The following SEPTIN8 variants were observed in gnomAD, a reference collection of about 807,000 sequenced individuals.
SEPTIN8 encodes the protein septin-8.
A neutral mutation model predicts 53.1 loss-of-function variants in SEPTIN8; 22 were observed. That is an observed-to-expected ratio of 0.41 (90% CI 0.30 to 0.59). The LOEUF (loss-of-function observed/expected upper bound fraction) is 0.59. Ranked by LOEUF, SEPTIN8 falls within the 20% of genes least tolerant of loss-of-function variation. The probability of loss-of-function intolerance (pLI) is 0.24; values close to 1 mark genes in which losing one functional copy is unlikely to be tolerated. For synonymous variants in SEPTIN8, 228 were observed against 248.4 expected, an observed-to-expected ratio of 0.92 and a Z score of 0.77; for missense variants, 536 against 638.7, an observed-to-expected ratio of 0.84 and a Z score of 1.73.
At position 132,772,015 on chromosome 5, in the gene SEPTIN8, A is replaced by G. The variant is rs543685045; in HGVS notation, c.30+5093T>C. Among the ~76,000 whole-genome samples, 13 of 152,316 alleles carry G rather than the reference A, an allele frequency of 8.5e-5. No individual in the cohort carries two copies. The East Asian group carries it at 2.3e-3, about 27-fold the overall frequency. ...CAGTGGCAACAGAAAACTTGAGAGA[A>G]GATTCAAGCAAGGATCACCCGCCAT... On this transcript the variant is annotated intron_variant, in intron 1 of 9. Coordinates refer to ENST00000378719, the MANE Select transcript of SEPTIN8 (RefSeq NM_001098811.2).
At chr5:132,763,092 T>G (rs920267829) in intron 4 of SEPTIN8, among the ~76,000 whole-genome samples, 2 of 152,156 alleles carry the variant, frequency 1.3e-5, no homozygotes, top group African/African-American at 4.8e-5. Context: ...ACAATAAAAA[T>G]GAACTCCTGA....
chr5:132,758,906 C>T, intron 9 of SEPTIN8: 1 of 1,305,350 alleles, frequency 7.7e-7, no homozygotes, highest in Non-Finnish European at 1.1e-6. Context: ...AAGCAAAAGA[C>T]AGCAAGATGG....
At chr5:132,764,553 C>G in intron 2 of SEPTIN8, 134 bp from the exon 3 acceptor site, 1 of 659,912 alleles carries the variant, frequency 1.5e-6, no homozygotes, top group Non-Finnish European at 2.6e-6. Context: ...GGCCGCCCAC[C>G]CCATCCCTCA....
chr5:132,778,302 A>G (rs1200494168), upstream of SEPTIN8: 1 of 154,850 alleles, frequency 6.5e-6, no homozygotes, highest in Non-Finnish European at 1.4e-5. Flanking sequence ...TATGCTGAGA[A>G]GCAACCTGAC....
intron 1 of SEPTIN8, among the ~76,000 whole-genome samples, chr5:132,767,621 A>G (rs1050015623): frequency 5.3e-5 from 8 of 152,080 alleles, no homozygotes; most frequent in African/African-American, 1.7e-4. Context: ...ATGCTGGACA[A>G]TGCTACCATT....
At chr5:132,771,930 G>A (rs1757361681) in intron 1 of SEPTIN8, among the ~76,000 whole-genome samples, 1 of 152,096 alleles carries the variant, frequency 6.6e-6, no homozygotes, top group African/African-American at 2.4e-5. Flanking sequence ...GAAGAATAGA[G>A]GCAGGATATA....
At chr5:132,757,575 CCTT>C (rs1755458588) in intron 9 of SEPTIN8, 1 of 985,356 alleles carries the variant, frequency 1.0e-6, no homozygotes, top group Admixed American at 6.1e-5. Context: ...ACTGTGAGCT[CCTT>C]GAGGGGAGCG....
intron 1 of SEPTIN8, among the ~76,000 whole-genome samples, chr5:132,772,247 T>C (rs1451705378): frequency 6.6e-6 from 1 of 152,146 alleles, no homozygotes; most frequent in East Asian, 1.9e-4. Flanking sequence ...GCTTATTAAT[T>C]TGGGATAGTG....
At chr5:132,762,955 T>C (rs1015520550) in intron 4 of SEPTIN8, among the ~76,000 whole-genome samples, 29 of 152,218 alleles carry the variant, frequency 1.9e-4, no homozygotes, top group African/African-American at 7.0e-4. Context: ...AAGGTCCTAA[T>C]TGGCCTGGGG....
At chr5:132,778,385 T>G (rs1298777366), upstream of SEPTIN8, among the ~76,000 whole-genome samples, 1 of 152,186 alleles carries the variant, frequency 6.6e-6, no homozygotes, top group Non-Finnish European at 1.5e-5. Context: ...CACACCTGGC[T>G]TAAGAGGAGC....
upstream of SEPTIN8, among the ~76,000 whole-genome samples, chr5:132,778,739 A>AGGTT (rs553178696): frequency 2.0e-3 from 298 of 152,312 alleles, 5 homozygotes; most frequent in South Asian, 0.058. Flanking sequence ...AGGATTAAAT[A>AGGTT]ACATAAGTAA....
At chr5:132,765,586 G>T (rs1756499784) in intron 1 of SEPTIN8, 57 bp from the exon 2 acceptor site, 1 of 1,523,330 alleles carries the variant, frequency 6.6e-7, no homozygotes, top group African/African-American at 1.4e-5. Flanking sequence ...AGGTCAAGCT[G>T]CGGGGTGGGC....
chr5:132,752,936 C>T lies in SEPTIN8; in HGVS notation c.1287-755G>A, dbSNP rs1754988573. ...CAACTGAGAAGTCTTCAGTCATCCT[C>T]CTGCACAGACAACTTTGTGTCACCT... On this transcript the variant is annotated intron_variant, in intron 9 of 9. Coordinates refer to ENST00000378719, the MANE Select transcript of SEPTIN8 (RefSeq NM_001098811.2). The T allele has an allele frequency of 4.3e-6, 7 of 1,614,154 alleles. No homozygotes were observed. Among genetic ancestry groups the T allele is most frequent in the Non-Finnish European group, 5.9e-6 (7 of 1,180,022 alleles).
upstream of SEPTIN8, among the ~76,000 whole-genome samples, chr5:132,779,677 T>C (rs898213939): frequency 7.3e-4 from 111 of 152,376 alleles, no homozygotes; most frequent in African/African-American, 2.6e-3. Context: ...ATTTTTACTT[T>C]GGCTTCTAAA....
chr5:132,777,644 C>G, upstream of SEPTIN8: 1 of 985,584 alleles, frequency 1.0e-6, no homozygotes, highest in Non-Finnish European at 1.2e-6. This position sits in a 1 kb window ranked among gnomAD's most constrained non-coding sequence, Gnocchi z 4.1. Flanking sequence ...TCTCCACCCG[C>G]TGGAGCCTGC....
rs1242760155 is a variant in SEPTIN8 at position 132,750,969 on chromosome 5, T to C, written c.*1047A>G. 5.0e-6 allele frequency: 8 copies of C among 1,614,092 alleles called. No individual in the cohort carries two copies. The highest frequency in any genetic ancestry group is 6.8e-6 in the Non-Finnish European group (8 of 1,180,042). Reference sequence around the variant, plus strand: ...GACAGACTGCACTGGGACCTCTATATTGGGACGCCGCTGGACTTCTTGACT... The same window carrying C: ...GACAGACTGCACTGGGACCTCTATACTGGGACGCCGCTGGACTTCTTGACT... On this transcript the variant is annotated 3_prime_UTR_variant, in exon 10 of 10. Transcript: ENST00000378719.
intron 1 of SEPTIN8, among the ~76,000 whole-genome samples, chr5:132,774,859 G>C (rs549873525): frequency 6.6e-6 from 1 of 152,156 alleles, no homozygotes; most frequent in African/African-American, 2.4e-5. Context: ...TAAACTCTCT[G>C]AGGAACCAGT....
intron 9 of SEPTIN8, chr5:132,755,930 A>T (rs1755287699): frequency 1.0e-6 from 1 of 971,152 alleles, no homozygotes; most frequent in Admixed American, 6.2e-5. Context: ...ATTTTACCAC[A>T]GTTGTAGCAG....
In SEPTIN8 at chr5:132,750,842, A is replaced by T. The variant is rs780713970; in HGVS notation, c.*1174T>A. 1.2e-6 allele frequency: 2 copies of T among 1,612,132 alleles called. No individual in the cohort carries two copies. Among genetic ancestry groups the T allele is most frequent in the Non-Finnish European group, 1.7e-6 (2 of 1,179,460 alleles). The stretch of plus-strand genomic sequence containing the variant: ...CATGATGTAGGGCTTTGGCCTCTTT[A>T]TTTTCTTTTTACAGTTTATTCCACA... On this transcript the variant is annotated 3_prime_UTR_variant, in exon 10 of 10. Coordinates refer to ENST00000378719, the MANE Select transcript of SEPTIN8 (RefSeq NM_001098811.2).
Sources: allele counts gnomAD v4.1 joint callset (sites outside exome capture counted in the v4.1 genomes callset), GRCh38; gene constraint gnomAD v4.1.1; non-coding constraint Gnocchi (gnomAD v3.1); transcripts MANE v1.5; gene names NCBI Gene and HGNC (gene_info 2026-07-23, HGNC 2026-07-21).